The following CDHR3 variants were observed in gnomAD, a reference collection of about 807,000 sequenced individuals.
The protein encoded by CDHR3 is cadherin related family member 3.
Under a neutral mutation model 86.6 loss-of-function variants are expected in CDHR3, and 79 were observed. The observed-to-expected ratio is 0.91, with a 90% CI of 0.76 to 1.10. CDHR3 has a LOEUF of 1.10. Ranked by LOEUF, CDHR3 falls within the 50% of genes least tolerant of loss-of-function variation. CDHR3 has a pLI of 0.00. For synonymous variants in CDHR3, 421 were observed against 402.4 expected, an observed-to-expected ratio of 1.05 and a Z score of -0.55; for missense variants, 1,081 against 1,077.6, an observed-to-expected ratio of 1.00 and a Z score of -0.04.
intron 14 of CDHR3, among the ~76,000 whole-genome samples, chr7:106,022,693 T>G (rs1294331394): frequency 1.3e-5 from 2 of 152,162 alleles, no homozygotes; most frequent in Non-Finnish European, 2.9e-5. Flanking sequence ...AAGAGTGTGT[T>G]GTTTGTGCAG....
At chr7:105,963,474 T>C in intron 1 of CDHR3, 110 bp downstream of exon 1, 3 of 1,154,244 alleles carry the variant, frequency 2.6e-6, no homozygotes, top group South Asian at 2.6e-5. Context: ...GCTTGTTCAA[T>C]TGAGGGCTTA....
At chr7:105,994,612 C>T (rs934901848) in intron 4 of CDHR3, 139 bp from the exon 5 acceptor site, 7 of 671,696 alleles carry the variant, frequency 1.0e-5, no homozygotes, top group African/African-American at 7.2e-5. Flanking sequence ...AATTGGATAA[C>T]TGCTCTTTGA....
chr7:105,975,395 A>T (rs2115644323), intron 2 of CDHR3, among the ~76,000 whole-genome samples: 1 of 152,308 alleles, frequency 6.6e-6, no homozygotes, highest in East Asian at 1.9e-4. Context: ...TCTCCCTAAA[A>T]GCCATGCCCT....
chr7:105,991,858 A>T (rs1433200330), intron 4 of CDHR3, among the ~76,000 whole-genome samples: 2 of 152,176 alleles, frequency 1.3e-5, no homozygotes, highest in Admixed American at 1.3e-4. Context: ...AGGGCTTGCC[A>T]TGTACCAGGC....
intron 8 of CDHR3, among the ~76,000 whole-genome samples, chr7:106,009,914 AT>A (rs1834534023): frequency 6.6e-6 from 1 of 152,198 alleles, no homozygotes; most frequent in Admixed American, 6.5e-5. Context: ...GGAGAGAAAC[AT>A]GGTCTGATGG....
At chr7:105,976,688 A>G (rs1012525505) in intron 2 of CDHR3, among the ~76,000 whole-genome samples, 7 of 152,184 alleles carry the variant, frequency 4.6e-5, no homozygotes, top group African/African-American at 1.7e-4. Flanking sequence ...GACATTTCCT[A>G]TGAATGGAAT....
intron 4 of CDHR3, among the ~76,000 whole-genome samples, chr7:105,993,338 T>C (rs1831650161): frequency 6.6e-6 from 1 of 152,114 alleles, no homozygotes; most frequent in South Asian, 2.1e-4. Context: ...CCCTAAGTTA[T>C]AGGCAAGAAA....
Position 106,034,107 on chromosome 7 carries a change from C to T in CDHR3, c.*1410C>T, listed in dbSNP as rs1022119923. Among the ~76,000 whole-genome samples the T allele has an allele frequency of 3.9e-5, 6 of 152,230 alleles. No individual in the cohort carries two copies. The East Asian group carries it at 7.7e-4, about 20-fold the overall frequency. ...TATGATTGGAAGGAACTGCAGGACT[C>T]TGAGTGGGGACATACTGGAAGCCCC... is the stretch of plus-strand genomic sequence containing the variant. On this transcript the variant is annotated 3_prime_UTR_variant, in exon 19 of 19. Transcript: ENST00000317716.
intron 9 of CDHR3, among the ~76,000 whole-genome samples, chr7:106,013,757 T>C (rs545203000): frequency 6.6e-6 from 1 of 152,296 alleles, no homozygotes; most frequent in Admixed American, 6.5e-5. Context: ...ACCCAGTTTA[T>C]TCATAGTACC....
In CDHR3 at chr7:105,981,809, A is replaced by G. The variant is rs80020361; in HGVS notation, c.415+676A>G. On this transcript the variant is annotated intron_variant, in intron 3 of 18. Coordinates refer to ENST00000317716, the MANE Select transcript of CDHR3 (RefSeq NM_152750.5). ...CCCCACCCAAATCTGCTTCTCCTATATCTTTCCCATTTTGGTTAGCAGTAA... is the reference window on the plus strand; with the variant it reads ...CCCCACCCAAATCTGCTTCTCCTATGTCTTTCCCATTTTGGTTAGCAGTAA... 9.9e-3 allele frequency among the ~76,000 whole-genome samples: 1,509 copies of G among 151,728 alleles called. 75 individuals carry two copies. The East Asian group carries it at 0.15, about 15-fold the overall frequency.
intron 15 of CDHR3, 115 bp downstream of exon 15, chr7:106,024,677 G>C (rs765118475): frequency 1.7e-5 from 19 of 1,098,254 alleles, no homozygotes; most frequent in Admixed American, 2.6e-5. Context: ...CAGGTTGCCT[G>C]GAGTGAAGGC....
chr7:106,030,273 C>T lies in CDHR3; in HGVS notation c.2305-519C>T, dbSNP rs1838127527. Among the ~76,000 whole-genome samples, 1 of 152,158 alleles carries T rather than the reference C, an allele frequency of 6.6e-6. No homozygotes were observed. The highest frequency in any genetic ancestry group is 2.4e-5 in the African/African-American group (1 of 41,426). ...CTGGAGCACAGGGCTTAGGTGAGGC[C>T]CAGATGCGACACTGCATTGGCCTAG... On this transcript the variant is annotated intron_variant, in intron 17 of 18. Transcript: ENST00000317716. The surrounding 1 kb of genome is among the most constrained non-coding windows in gnomAD (Gnocchi z 4.8).
Position 106,033,356 on chromosome 7 carries a change from G to A in CDHR3, c.*659G>A, listed in dbSNP as rs1838644331. 1 of 152,226 alleles carries A rather than the reference G, an allele frequency of 6.6e-6. No homozygotes were observed. The highest frequency in any genetic ancestry group is 1.5e-5 in the Non-Finnish European group (1 of 68,050). The allele number at this position is 152,226 out of a possible 1,614,324, so 9.4% of individuals were successfully genotyped here. A position where few individuals can be genotyped will look rare whatever the true frequency, so the allele number is the denominator to read the frequency against. On this transcript the variant is annotated 3_prime_UTR_variant, in exon 19 of 19. Coordinates refer to ENST00000317716, the MANE Select transcript of CDHR3 (RefSeq NM_152750.5). ...GTAGTTCAGTTCTCTTCATGGTTAT[G>A]TCTGGTTTCATTCTATGATTATATC...
At chr7:105,982,474 A>AAC (rs1554513955) in intron 3 of CDHR3, among the ~76,000 whole-genome samples, 2 of 148,898 alleles carry the variant, frequency 1.3e-5, no homozygotes, top group Non-Finnish European at 3.0e-5. Context: ...GTCTCAAAAA[A>AAC]AAAAAAGAAA....
intron 7 of CDHR3, among the ~76,000 whole-genome samples, chr7:106,002,428 G>A (rs556433826): frequency 2.6e-5 from 4 of 152,194 alleles, no homozygotes; most frequent in African/African-American, 4.8e-5. Flanking sequence ...AGCAAGGTCC[G>A]TTTGTTCAGA....
In CDHR3 at chr7:106,031,421, T is replaced by C. The variant is rs2528882; in HGVS notation, c.2353+581T>C. The stretch of plus-strand genomic sequence containing the variant: ...TTTAGCTCCTTTACACTCATCCCTC[T>C]GCTTACAAAGGCTCAATTATAGACG... On this transcript the variant is annotated intron_variant, in intron 18 of 18. Transcript: ENST00000317716. Among the ~76,000 whole-genome samples, 29 of 152,296 alleles carry C rather than the reference T, an allele frequency of 1.9e-4. 1 individual carries two copies. In the East Asian group the frequency reaches 5.6e-3, roughly 29 times the overall value.
chr7:105,985,302 T>C (rs1830367761), intron 4 of CDHR3, among the ~76,000 whole-genome samples: 1 of 152,178 alleles, frequency 6.6e-6, no homozygotes, highest in Non-Finnish European at 1.5e-5. Flanking sequence ...TAATGTGGCC[T>C]GTGCACACAC....
At chr7:106,022,507 ACTTCTTTCCCCGGC>A in intron 14 of CDHR3, 59 bp downstream of exon 14, 1 of 1,578,228 alleles carries the variant, frequency 6.3e-7, no homozygotes, top group Non-Finnish European at 8.6e-7. Context: ...ATGTTGATGG[ACTTCTTTCCCCGGC>A]CTGGAGGTAT....
At chr7:105,976,612 T>C (rs994738825) in intron 2 of CDHR3, among the ~76,000 whole-genome samples, 1 of 152,192 alleles carries the variant, frequency 6.6e-6, no homozygotes, top group Non-Finnish European at 1.5e-5. Context: ...CACTCAGCTA[T>C]TCCCTTATCC....
Sources: allele counts gnomAD v4.1 joint callset (sites outside exome capture counted in the v4.1 genomes callset), GRCh38; gene constraint gnomAD v4.1.1; non-coding constraint Gnocchi (gnomAD v3.1); transcripts MANE v1.5; gene names NCBI Gene and HGNC (gene_info 2026-07-23, HGNC 2026-07-21).